Variants in NUBPL observed in about 807,000 individuals in gnomAD.
The protein encoded by NUBPL is iron-sulfur cluster transfer protein NUBPL.
In NUBPL, 31 loss-of-function variants were observed where a neutral mutation model predicts 45.7. The ratio of observed to expected loss-of-function variants is 0.68; its 90% confidence interval spans 0.51 to 0.92. NUBPL has a LOEUF of 0.92. Ranked by LOEUF, NUBPL falls within the 40% of genes least tolerant of loss-of-function variation. The pLI is 0.00. For missense variants in NUBPL, 401 were observed against 398.7 expected (o/e 1.01, Z -0.05); for synonymous variants, 144 against 140.9 (o/e 1.02, Z -0.15).
chr14:31,690,217 T>C (rs973900942), intron 6 of NUBPL, among the ~76,000 whole-genome samples: 2 of 152,188 alleles, frequency 1.3e-5, no homozygotes, highest in Non-Finnish European at 2.9e-5. Context: ...TGATCAGGGC[T>C]GCCCTTATCT....
At chr14:31,721,388 A>T (rs2037804195) in intron 6 of NUBPL, among the ~76,000 whole-genome samples, 1 of 152,218 alleles carries the variant, frequency 6.6e-6, no homozygotes, top group Non-Finnish European at 1.5e-5. Context: ...CTATTGCCAG[A>T]GTTTATATTC....
At chr14:31,716,133 T>C (rs941080771) in intron 6 of NUBPL, among the ~76,000 whole-genome samples, 1 of 152,190 alleles carries the variant, frequency 6.6e-6, no homozygotes, top group African/African-American at 2.4e-5. Flanking sequence ...CTGAAAGGTC[T>C]TCAGGGACAG....
At chr14:31,643,230 T>C (rs1273293239) in intron 4 of NUBPL, among the ~76,000 whole-genome samples, 1 of 152,192 alleles carries the variant, frequency 6.6e-6, no homozygotes, top group African/African-American at 2.4e-5. Flanking sequence ...CTTGTCTTGT[T>C]CCAGATCTTA....
chr14:31,614,324 G>A (rs181669076), intron 4 of NUBPL, among the ~76,000 whole-genome samples: 19 of 152,266 alleles, frequency 1.2e-4, no homozygotes, highest in Admixed American at 1.2e-3. Context: ...ACTAAAAATT[G>A]AGATACCAGT....
intron 4 of NUBPL, among the ~76,000 whole-genome samples, chr14:31,610,738 A>G (rs1375986027): frequency 6.6e-6 from 1 of 152,152 alleles, no homozygotes; most frequent in African/African-American, 2.4e-5. Context: ...ATCATGACCA[A>G]CTGGGATTTA....
At chr14:31,646,986 T>A (rs902792228) in intron 4 of NUBPL, among the ~76,000 whole-genome samples, 1 of 152,202 alleles carries the variant, frequency 6.6e-6, no homozygotes, top group Non-Finnish European at 1.5e-5. Context: ...AGTCTGCTGC[T>A]GACTACTTCT....
intron 8 of NUBPL, among the ~76,000 whole-genome samples, chr14:31,837,399 A>G (rs1006235801): frequency 6.6e-6 from 1 of 152,178 alleles, no homozygotes; most frequent in African/African-American, 2.4e-5. Flanking sequence ...TTAGACCCTT[A>G]AAAGATTAGG....
At chr14:31,849,901 TC>T in intron 9 of NUBPL, 1 of 577,818 alleles carries the variant, frequency 1.7e-6, no homozygotes, top group Non-Finnish European at 3.1e-6. Flanking sequence ...CACAGAGCTT[TC>T]CTATATAAAC....
chr14:31,663,696 T>A (rs998488968), intron 4 of NUBPL, among the ~76,000 whole-genome samples: 10 of 152,178 alleles, frequency 6.6e-5, no homozygotes, highest in African/African-American at 2.4e-4. Flanking sequence ...TTGTTCTTTT[T>A]GCTTAGGATT....
At chr14:31,588,474 T>C (rs1235288451) in intron 3 of NUBPL, among the ~76,000 whole-genome samples, 1 of 152,164 alleles carries the variant, frequency 6.6e-6, no homozygotes, top group African/African-American at 2.4e-5. Context: ...ATCTTCTTAA[T>C]CTTTACAGGT....
At chr14:31,642,522 T>C (rs2035733857) in intron 4 of NUBPL, among the ~76,000 whole-genome samples, 1 of 152,134 alleles carries the variant, frequency 6.6e-6, no homozygotes, top group Non-Finnish European at 1.5e-5. Flanking sequence ...TTATGTGTTC[T>C]CTATTCTGTT....
At chr14:31,601,910 A>T (rs1478346967) in intron 4 of NUBPL, among the ~76,000 whole-genome samples, 1 of 152,194 alleles carries the variant, frequency 6.6e-6, no homozygotes, top group African/African-American at 2.4e-5. Flanking sequence ...AAGGACTATA[A>T]ATCATGCTGC....
intron 4 of NUBPL, among the ~76,000 whole-genome samples, chr14:31,602,827 C>G (rs970950423): frequency 4.6e-5 from 7 of 151,988 alleles, no homozygotes; most frequent in African/African-American, 1.5e-4. Context: ...ATTATTTTCT[C>G]TGATCAGATT....
Position 31,730,688 on chromosome 14 carries a change from G to A in NUBPL, c.514-57092G>A, listed in dbSNP as rs558002955. On this transcript the variant is annotated intron_variant, in intron 6 of 10. Transcript: ENST00000281081. ...TCACCGTGTTAGCCAGGATGGTCTCGATCTCCTGACCTCATGATCCATCCA... is the reference window on the plus strand; with the variant it reads ...TCACCGTGTTAGCCAGGATGGTCTCAATCTCCTGACCTCATGATCCATCCA... Among the ~76,000 whole-genome samples the A allele has an allele frequency of 3.3e-5, 5 of 152,026 alleles. No individual in the cohort carries two copies. In the South Asian group the frequency reaches 6.2e-4, roughly 19 times the overall value.
At chr14:31,611,950 C>T (rs2034770931) in intron 4 of NUBPL, among the ~76,000 whole-genome samples, 1 of 152,142 alleles carries the variant, frequency 6.6e-6, no homozygotes, top group African/African-American at 2.4e-5. Context: ...TTGAGACCTT[C>T]AACTGTGAAG....
chr14:31,715,044 A>G (rs11156700), intron 6 of NUBPL, among the ~76,000 whole-genome samples: 3 of 152,212 alleles, frequency 2.0e-5, no homozygotes, highest in South Asian at 2.1e-4. Context: ...CATCTACCAT[A>G]TACTTCTGTT....
intron 4 of NUBPL, among the ~76,000 whole-genome samples, chr14:31,636,319 A>G (rs1184106748): frequency 6.6e-6 from 1 of 151,864 alleles, no homozygotes. Context: ...GAATTTTGTC[A>G]AAGGCCTTTT....
At chr14:31,753,529 C>T (rs1166783981) in intron 6 of NUBPL, among the ~76,000 whole-genome samples, 2 of 152,044 alleles carry the variant, frequency 1.3e-5, no homozygotes, top group Non-Finnish European at 2.9e-5. Context: ...AGTATATAGG[C>T]ATAGTGAAAT....
chr14:31,605,492 G>A (rs1251948562), intron 4 of NUBPL, among the ~76,000 whole-genome samples: 4 of 152,152 alleles, frequency 2.6e-5, no homozygotes, highest in Admixed American at 6.5e-5. Flanking sequence ...TTTTGAGTAG[G>A]ATCCCCTTGT....
Sources: gnomAD v4.1 joint callset for allele counts (sites outside exome capture counted in the v4.1 genomes callset) on GRCh38, gnomAD v4.1.1 for gene constraint, MANE v1.5 for transcripts, NCBI Gene and HGNC (gene_info 2026-07-23, HGNC 2026-07-21) for gene names.